Variants in RBIS observed in about 807,000 individuals in gnomAD.
RBIS encodes ribosomal biogenesis factor.
RBIS carries 9 observed loss-of-function variants against 9.8 expected under a neutral mutation model. The ratio of observed to expected loss-of-function variants is 0.92; its 90% CI spans 0.56 to 1.61. The LOEUF is 1.61. Ranked by LOEUF, RBIS falls within the 40% of genes most tolerant of loss-of-function variation. RBIS has a pLI of 0.00. For missense variants in RBIS, 103 were observed against 116.0 expected, an observed-to-expected ratio of 0.89 and a Z score of 0.51; for synonymous variants, 35 against 37.9, an observed-to-expected ratio of 0.92 and a Z score of 0.28.
intron 3 of RBIS, 87 bp from the exon 4 acceptor site, chr8:85,214,718 C>A: frequency 1.1e-6 from 1 of 910,014 alleles, no homozygotes; most frequent in Non-Finnish European, 1.8e-6. Context: ...TTTAATTTTT[C>A]TAGTCATATC....
At position 85,218,693 on chromosome 8, in the gene RBIS, G is replaced by A. The variant is rs527239886; in HGVS notation, c.-3-1191C>T. On this transcript the variant is annotated intron_variant, in intron 1 of 3. Transcript: ENST00000619594. ...CTACAAATACAAAAATTAGCTGGGC[G>A]TGGTGGCACATGCCTGTGATCCCAG... 390 of 152,372 alleles carry A rather than the reference G, an allele frequency of 2.6e-3. 3 individuals carry two copies. The highest frequency in any genetic ancestry group is 6.8e-3 in the Middle Eastern group (2 of 294). The allele number at this position is 152,372 out of a possible 1,614,324, so 9.4% of individuals were successfully genotyped here. A position where few individuals can be genotyped will look rare whatever the true frequency, so the allele number is the denominator to read the frequency against.
rs558264279 is a variant in RBIS, at chr8:85,218,050, T to C, written c.-3-548A>G. ...TGTGAACGGCCCTTGCCTTGAAGTG[T>C]TGGATACTGTCTTTCCTCCGTAGCT... On this transcript the variant is annotated intron_variant, in intron 1 of 3. Coordinates refer to ENST00000619594, the MANE Select transcript of RBIS (RefSeq NM_001099673.3). Among the ~76,000 whole-genome samples, 100 of 152,362 alleles carry C rather than the reference T, an allele frequency of 6.6e-4. 1 individual carries two copies. The highest frequency in any genetic ancestry group is 2.3e-3 in the African/African-American group (94 of 41,586).
At position 85,217,419 on chromosome 8, in the gene RBIS, G is replaced by GT. The variant is rs1401769139; in HGVS notation, c.80dup (p.Asn27LysfsTer9). 6.2e-7 allele frequency: 1 copy of GT among 1,611,664 alleles called. No individual in the cohort carries two copies. Among genetic ancestry groups the GT allele is most frequent in the Non-Finnish European group, 8.5e-7 (1 of 1,178,328 alleles). ...GATTAGTGGTAACTGGTTTTGCTTT[G>GT]TTTTTAGCCTTAAAGTTTTTTTGGC... On this transcript the variant is annotated frameshift_variant, in exon 2 of 4. Transcript: ENST00000619594. LOFTEE classifies it high-confidence loss of function.
At chr8:85,220,136 GC>G (rs1236180965) in intron 1 of RBIS, among the ~76,000 whole-genome samples, 169 bp downstream of exon 1, 2 of 152,176 alleles carry the variant, frequency 1.3e-5, no homozygotes, top group Non-Finnish European at 2.9e-5. Flanking sequence ...GGAGATGAAA[GC>G]CCAACAAGCA....
chr8:85,220,010 G>C (rs1167855722), intron 1 of RBIS, among the ~76,000 whole-genome samples: 1 of 152,184 alleles, frequency 6.6e-6, no homozygotes, highest in Non-Finnish European at 1.5e-5. Flanking sequence ...GTAGACCTGA[G>C]CAAGGTTCGT....
chr8:85,214,902 G>C lies in RBIS; in HGVS notation c.231+19C>G. 7.5e-7 allele frequency: 1 copy of C among 1,326,474 alleles called. No individual in the cohort carries two copies. Among genetic ancestry groups the C allele is most frequent in the Non-Finnish European group, 1.1e-6 (1 of 941,452 alleles). The allele number at this position is 1,326,474 out of a possible 1,614,324, so 82.2% of individuals were successfully genotyped here. ...CTCAATTTGTTAGCCATAAAAAAAA[G>C]CAAATGATTTCTGCTTACCAGTTCT... On this transcript the variant is annotated intron_variant, in intron 3 of 3. Transcript: ENST00000619594.
chr8:85,219,140 C>T (rs1813263665), intron 1 of RBIS: 1 of 152,240 alleles, frequency 6.6e-6, no homozygotes, highest in Admixed American at 6.5e-5. Context: ...AAATCTGCCA[C>T]ACATATCTCC....
At chr8:85,215,103 C>T (rs1813087560) in intron 2 of RBIS, 66 bp from the exon 3 acceptor site, 4 of 592,916 alleles carry the variant, frequency 6.7e-6, no homozygotes, top group South Asian at 2.8e-5. Context: ...TATATTCAAC[C>T]TTAACCTGTT....
chr8:85,217,431 A>C lies in RBIS; in HGVS notation c.69T>G (p.Phe23Leu), dbSNP rs746420426. 1 of 1,612,870 alleles carries C rather than the reference A, an allele frequency of 6.2e-7. No homozygotes were observed. Among genetic ancestry groups the C allele is most frequent in the East Asian group, 2.2e-5 (1 of 44,812 alleles). Reference sequence around the variant, plus strand: ...CTGGTTTTGCTTTGTTTTTAGCCTTAAAGTTTTTTTGGCTGGCTATGTGAA... The same window carrying C: ...CTGGTTTTGCTTTGTTTTTAGCCTTCAAGTTTTTTTGGCTGGCTATGTGAA... Reference protein sequence around the residue: ...NVFHIASQKNFKAKNKAKPVT... With the variant: ...NVFHIASQKNLKAKNKAKPVT... Residue 23 changes from phenylalanine (F) to leucine (L), a missense_variant, in exon 2 of 4, where the codon TTT (phenylalanine) becomes TTG (leucine). Physicochemically the swap from Phe to Leu is conservative, Grantham distance 22. Coordinates refer to ENST00000619594, the MANE Select transcript of RBIS (RefSeq NM_001099673.3).
intron 2 of RBIS, among the ~76,000 whole-genome samples, chr8:85,216,496 T>C (rs143887049): frequency 1.3e-5 from 2 of 152,062 alleles, no homozygotes; most frequent in East Asian, 3.9e-4. Flanking sequence ...CACCAAGCTT[T>C]TCCCTAGCTC....
chr8:85,216,260 C>A (rs1813148220), intron 2 of RBIS: 1 of 152,186 alleles, frequency 6.6e-6, no homozygotes, highest in Non-Finnish European at 1.5e-5. Flanking sequence ...TAATGGAAGA[C>A]CCCTGATGAC....
chr8:85,214,944 G>A lies in RBIS; in HGVS notation c.208C>T (p.Leu70Phe). 6.3e-7 allele frequency: 1 copy of A among 1,584,888 alleles called. No individual in the cohort carries two copies. The highest frequency in any genetic ancestry group is 8.6e-7 in the Non-Finnish European group (1 of 1,161,060). ...ELAHFAKSIS[L>F]EPLQKELIPQ... ...ACCAGTTCTTTCTGCAGAGGTTCAAGTGAAATGCTTTTTGCGAAATGTGCA... is the reference window on the plus strand; with the variant it reads ...ACCAGTTCTTTCTGCAGAGGTTCAAATGAAATGCTTTTTGCGAAATGTGCA... The change falls in exon 3 of 4, where the codon CTT becomes TTT. Residue 70 changes from leucine to phenylalanine, a missense_variant. Transcript: ENST00000619594.
chr8:85,214,598 T>C lies in RBIS; in HGVS notation c.265A>G (p.Asn89Asp). The C allele has an allele frequency of 6.3e-7, 1 of 1,575,042 alleles. No homozygotes were observed. The highest frequency in any genetic ancestry group is 8.7e-7 in the Non-Finnish European group (1 of 1,145,938). The change falls in exon 4 of 4, where the codon AAT (asparagine) becomes GAT (aspartate). Residue 89 changes from asparagine (N) to aspartate (D), a missense_variant. Physicochemically the swap from Asn to Asp is conservative, Grantham distance 23. Coordinates refer to ENST00000619594, the MANE Select transcript of RBIS (RefSeq NM_001099673.3). ...PQQRHESKPVNVDEATRLMAL... is the reference protein window; with the variant it reads ...PQQRHESKPVDVDEATRLMAL... ...ATTAATCTTGTAGCTTCATCAACAT[T>C]AACTGGTTTGCTTTCATGACGCTGC...
chr8:85,216,268 G>A (rs939048580), intron 2 of RBIS: 2 of 152,168 alleles, frequency 1.3e-5, no homozygotes, highest in African/African-American at 4.8e-5. Context: ...GACCCCTGAT[G>A]ACAGCTTCCC....
At chr8:85,216,519 C>G (rs1009611521) in intron 2 of RBIS, among the ~76,000 whole-genome samples, 1 of 152,332 alleles carries the variant, frequency 6.6e-6, no homozygotes, top group South Asian at 2.1e-4. Context: ...GGCCTCTGCA[C>G]TTGCTATTTT....
chr8:85,218,127 C>T (rs1414996469), intron 1 of RBIS, among the ~76,000 whole-genome samples: 1 of 152,158 alleles, frequency 6.6e-6, no homozygotes, highest in African/African-American at 2.4e-5. Context: ...TCAGATCTGC[C>T]TTTAATAATG....
chr8:85,215,098 T>G (rs927772789), intron 2 of RBIS, 61 bp from the exon 3 acceptor site: 2 of 674,480 alleles, frequency 3.0e-6, no homozygotes, highest in African/African-American at 3.7e-5. Flanking sequence ...TAAGATATAT[T>G]CAACCTTAAC....
intron 2 of RBIS, among the ~76,000 whole-genome samples, chr8:85,216,596 T>C (rs991996292): frequency 2.0e-5 from 3 of 152,218 alleles, no homozygotes; most frequent in Middle Eastern, 3.2e-3. Flanking sequence ...TTTGTCATTC[T>C]AGTCTTGGTT....
intron 3 of RBIS, 115 bp downstream of exon 3, chr8:85,214,806 C>T: frequency 1.4e-6 from 1 of 737,236 alleles, no homozygotes; most frequent in South Asian, 1.6e-5. Context: ...GAGCCTAGTA[C>T]TAGAGAGCCA....
Sources: gnomAD v4.1 joint callset for allele counts (sites outside exome capture counted in the v4.1 genomes callset) on GRCh38, gnomAD v4.1.1 for gene constraint, MANE v1.5 for transcripts, NCBI Gene and HGNC (gene_info 2026-07-23, HGNC 2026-07-21) for gene names.